The following RPSA2 variants were observed in gnomAD, a reference collection of about 807,000 sequenced individuals.
The protein encoded by RPSA2 is small ribosomal subunit protein uS2B.
chr19:23,771,435 C>G, the RPSA2 span, among the ~76,000 whole-genome samples: 1 of 152,160 alleles, frequency 6.6e-6, no homozygotes, highest in Non-Finnish European at 1.5e-5. Flanking sequence ...ACCCAACATA[C>G]AGAGGGTATT....
chr19:23,834,035 G>T, the RPSA2 span, among the ~76,000 whole-genome samples: 148,822 of 152,152 alleles, frequency 0.98, 72,876 homozygotes, highest in Middle Eastern at 1. Context: ...GTGCAGTAAA[G>T]ATGAAAGATA....
At chr19:23,826,793 C>A in the RPSA2 span, among the ~76,000 whole-genome samples, 1 of 152,048 alleles carries the variant, frequency 6.6e-6, no homozygotes, top group Non-Finnish European at 1.5e-5. Context: ...TCAAGCAATT[C>A]TTTTGCCTCA....
At chr19:23,807,039 G>T in the RPSA2 span, among the ~76,000 whole-genome samples, 6 of 152,228 alleles carry the variant, frequency 3.9e-5, 1 homozygote, top group South Asian at 1.2e-3. Context: ...GAGTGCATTT[G>T]ATGTTAATAA....
the RPSA2 span, among the ~76,000 whole-genome samples, chr19:23,804,294 C>CTTTTTTTTTT: frequency 7.0e-6 from 1 of 142,508 alleles, no homozygotes. Context: ...CCTCATTTTT[C>CTTTTTTTTTT]TTTTTCTTTT....
chr19:23,829,337 G>T, the RPSA2 span, among the ~76,000 whole-genome samples: 1 of 152,056 alleles, frequency 6.6e-6, no homozygotes, highest in Non-Finnish European at 1.5e-5. Context: ...TTTTACTCTT[G>T]TTGTCCATGC....
the RPSA2 span, among the ~76,000 whole-genome samples, chr19:23,830,334 A>G: frequency 9.9e-4 from 151 of 152,206 alleles, no homozygotes; most frequent in African/African-American, 3.4e-3. Flanking sequence ...TGGTAGAGAC[A>G]GGGTTTCACC....
At chr19:23,815,587 G>T in the RPSA2 span, among the ~76,000 whole-genome samples, 1 of 152,270 alleles carries the variant, frequency 6.6e-6, no homozygotes, top group African/African-American at 2.4e-5. Flanking sequence ...TGTACAGTCT[G>T]CTGGATTGTG....
At chr19:23,847,555 A>T in the RPSA2 span, among the ~76,000 whole-genome samples, 1 of 152,214 alleles carries the variant, frequency 6.6e-6, no homozygotes, top group African/African-American at 2.4e-5. Context: ...TAGGTCACAA[A>T]GATCACGTGC....
the RPSA2 span, among the ~76,000 whole-genome samples, chr19:23,813,625 A>G: frequency 2.0e-5 from 3 of 151,950 alleles, no homozygotes; most frequent in African/African-American, 7.3e-5. Flanking sequence ...TAATAAATGG[A>G]ATTGCTGTAT....
the RPSA2 span, among the ~76,000 whole-genome samples, chr19:23,843,966 C>T: frequency 0.12 from 17,862 of 152,112 alleles, 1,112 homozygotes; most frequent in East Asian, 0.22. Context: ...TTCATGTTGT[C>T]CAGCCTGGTC....
the RPSA2 span, among the ~76,000 whole-genome samples, chr19:23,852,501 A>T: frequency 6.6e-6 from 1 of 152,228 alleles, no homozygotes; most frequent in Non-Finnish European, 1.5e-5. Flanking sequence ...TAAACTAACT[A>T]AAAGTATCCC....
the RPSA2 span, among the ~76,000 whole-genome samples, chr19:23,846,878 A>T: frequency 6.6e-6 from 1 of 152,138 alleles, no homozygotes; most frequent in African/African-American, 2.4e-5. Context: ...GTGATTGCTG[A>T]GCTTCCTGTA....
chr19:23,770,311 C>T, the RPSA2 span, among the ~76,000 whole-genome samples: 2 of 152,190 alleles, frequency 1.3e-5, no homozygotes, highest in African/African-American at 2.4e-5. Context: ...TATGACTCTC[C>T]TCTTCTGCCT....
chr19:23,785,351 TA>T, the RPSA2 span, among the ~76,000 whole-genome samples: 1 of 152,048 alleles, frequency 6.6e-6, no homozygotes, highest in African/African-American at 2.4e-5. Flanking sequence ...CCAACACCTA[TA>T]AAAAGGGAGG....
the RPSA2 span, among the ~76,000 whole-genome samples, chr19:23,791,703 G>A: frequency 6.6e-6 from 1 of 151,716 alleles, no homozygotes; most frequent in Non-Finnish European, 1.5e-5. Context: ...ATTTGTCCTT[G>A]AGTGTACATT....
the RPSA2 span, among the ~76,000 whole-genome samples, chr19:23,830,123 A>T: frequency 6.6e-6 from 1 of 151,816 alleles, no homozygotes; most frequent in Admixed American, 6.5e-5. Flanking sequence ...TTTTTTTAAC[A>T]ACTTTTTCAT....
the RPSA2 span, among the ~76,000 whole-genome samples, chr19:23,761,901 A>ATCCTTCCTTCCTCCCTTCCTTCC: frequency 3.5e-4 from 12 of 34,012 alleles, no homozygotes; most frequent in Admixed American, 4.2e-3. Flanking sequence ...GGGTAACGTA[A>ATCCTTCCTTCCTCCCTTCCTTCC]TTCTTTCTTT....
chr19:23,826,190 TTTC>T, the RPSA2 span, among the ~76,000 whole-genome samples: 12 of 150,610 alleles, frequency 8.0e-5, no homozygotes, highest in African/African-American at 3.0e-4. Context: ...TTTTTCTTTT[TTTC>T]TTTTTTCTTT....
chr19:23,835,251 C>A, the RPSA2 span, among the ~76,000 whole-genome samples: 2 of 151,902 alleles, frequency 1.3e-5, no homozygotes, highest in Non-Finnish European at 1.5e-5. Context: ...TGCCTGCAAG[C>A]ACATATGGAC....
Sources: gnomAD v4.1 joint callset for allele counts (sites outside exome capture counted in the v4.1 genomes callset) on GRCh38, gnomAD v4.1.1 for gene constraint, MANE v1.5 for transcripts, NCBI Gene and HGNC (gene_info 2026-07-23, HGNC 2026-07-21) for gene names.